COL23A1: variants seen among roughly 807,000 people sequenced by gnomAD.
COL23A1 encodes collagen type XXIII alpha 1 chain.
A neutral mutation model predicts 99.3 loss-of-function variants in COL23A1; 97 were observed. The observed-to-expected ratio is 0.98, with a 90% confidence interval of 0.83 to 1.16. COL23A1 has a LOEUF of 1.16. COL23A1 is among the 50% of genes most tolerant of loss of function. COL23A1 has a pLI of 0.00. For missense variants in COL23A1, 762 were observed against 757.4 expected, an observed-to-expected ratio of 1.01 and a Z score of -0.07; for synonymous variants, 320 against 308.2, an observed-to-expected ratio of 1.04 and a Z score of -0.40.
In COL23A1 at chr5:178,579,615, G is replaced by A. The variant is rs141940750; in HGVS notation, c.294+10289C>T. On this transcript the variant is annotated intron_variant, in intron 1 of 28. Transcript: ENST00000390654. ...ATTACAGACACCCACTACCGCGCACGGCTGATTTTTGTACTTTTAGGAGAG... is the reference window on the plus strand; with the variant it reads ...ATTACAGACACCCACTACCGCGCACAGCTGATTTTTGTACTTTTAGGAGAG... Among the ~76,000 whole-genome samples, 24 of 152,182 alleles carry A rather than the reference G, an allele frequency of 1.6e-4. 1 individual carries two copies. The East Asian group carries it at 3.3e-3, about 21-fold the overall frequency.
At chr5:178,367,505 G>C (rs773340124) in intron 2 of COL23A1, among the ~76,000 whole-genome samples, 9 of 152,148 alleles carry the variant, frequency 5.9e-5, no homozygotes, top group Non-Finnish European at 1.3e-4. Flanking sequence ...GCTTCCCTTG[G>C]TGGCTGCAAC....
At chr5:178,465,424 C>T (rs1756362766) in intron 2 of COL23A1, among the ~76,000 whole-genome samples, 1 of 152,192 alleles carries the variant, frequency 6.6e-6, no homozygotes, top group Non-Finnish European at 1.5e-5. Flanking sequence ...TGTTTTCTCT[C>T]TCAGAAGGTC....
At chr5:178,354,919 A>T (rs116158416) in intron 2 of COL23A1, among the ~76,000 whole-genome samples, 1 of 151,986 alleles carries the variant, frequency 6.6e-6, no homozygotes, top group Non-Finnish European at 1.5e-5. Context: ...TTAGTTGGGC[A>T]TGGTGGTGTG....
chr5:178,508,267 A>T (rs1262624703), intron 2 of COL23A1, among the ~76,000 whole-genome samples: 1 of 152,186 alleles, frequency 6.6e-6, no homozygotes, highest in African/African-American at 2.4e-5. Context: ...TTCCAAACAC[A>T]TCTGTAATTG....
At chr5:178,572,067 C>CAAAAAAAAA (rs1288485909) in intron 1 of COL23A1, among the ~76,000 whole-genome samples, 2 of 54,326 alleles carry the variant, frequency 3.7e-5, no homozygotes, top group African/African-American at 3.0e-4. Context: ...GACTCTTTCT[C>CAAAAAAAAA]AAAACAAAAA....
chr5:178,346,245 G>GT (rs1406571971), intron 2 of COL23A1, among the ~76,000 whole-genome samples: 2 of 151,956 alleles, frequency 1.3e-5, no homozygotes, highest in African/African-American at 2.4e-5. Context: ...TTGTTTGTTT[G>GT]TTTTTTAAGA....
chr5:178,342,939 G>C (rs1760750961), intron 2 of COL23A1, among the ~76,000 whole-genome samples: 1 of 152,232 alleles, frequency 6.6e-6, no homozygotes, highest in Non-Finnish European at 1.5e-5. Flanking sequence ...TGACGAAGGA[G>C]CAAGACTTGG....
At chr5:178,320,901 T>G (rs1759261452) in intron 2 of COL23A1, among the ~76,000 whole-genome samples, 1 of 152,212 alleles carries the variant, frequency 6.6e-6, no homozygotes, top group Non-Finnish European at 1.5e-5. Context: ...AGCTGGATCC[T>G]GCCTCCTGCG....
intron 2 of COL23A1, among the ~76,000 whole-genome samples, chr5:178,311,799 C>T (rs1277708756): frequency 4.7e-5 from 7 of 147,750 alleles, no homozygotes; most frequent in South Asian, 2.1e-4. Context: ...GGCGTGATCT[C>T]GGCTCACCGC....
intron 20 of COL23A1, 119 bp downstream of exon 20, chr5:178,248,073 C>T: frequency 1.3e-6 from 1 of 778,902 alleles, no homozygotes. Flanking sequence ...CCTTACTCTC[C>T]CTCCCCTACT....
chr5:178,464,771 A>T (rs1431010242), intron 2 of COL23A1, among the ~76,000 whole-genome samples: 1 of 152,228 alleles, frequency 6.6e-6, no homozygotes, highest in Non-Finnish European at 1.5e-5. Flanking sequence ...ACTGCCCCAG[A>T]TGTTGGGTGT....
chr5:178,339,797 TGCCA>T (rs1760550996), intron 2 of COL23A1, among the ~76,000 whole-genome samples: 1 of 152,220 alleles, frequency 6.6e-6, no homozygotes, highest in Non-Finnish European at 1.5e-5. Context: ...GGCTTCTGAA[TGCCA>T]GCTCTAGCTG....
At position 178,261,711 on chromosome 5, in the gene COL23A1, G is replaced by A. The variant is rs1299235198; in HGVS notation, c.702+11C>T. ...ATCTGGGGAGGGGCATGGGGAATAA[G>A]GAGTACTCACCTTGGGCCCTGGGGG... On this transcript the variant is annotated intron_variant, in intron 11 of 28. Transcript: ENST00000390654. 2 of 1,605,780 alleles carry A rather than the reference G, an allele frequency of 1.2e-6. No individual in the cohort carries two copies. The highest frequency in any genetic ancestry group is 4.5e-5 in the East Asian group (2 of 44,542).
intron 1 of COL23A1, among the ~76,000 whole-genome samples, chr5:178,586,655 A>G (rs2113762663): frequency 6.6e-6 from 1 of 152,264 alleles, no homozygotes; most frequent in African/African-American, 2.4e-5. Context: ...GAAAGTGAAC[A>G]TGCCAAGAAG....
chr5:178,336,949 C>T (rs1486375131), intron 2 of COL23A1, among the ~76,000 whole-genome samples: 3 of 151,758 alleles, frequency 2.0e-5, no homozygotes, highest in Non-Finnish European at 4.4e-5. Flanking sequence ...TCTGCTATAC[C>T]GAGGCGTGGG....
At chr5:178,380,221 G>A (rs199628198) in intron 2 of COL23A1, among the ~76,000 whole-genome samples, 1 of 152,322 alleles carries the variant, frequency 6.6e-6, no homozygotes, top group East Asian at 1.9e-4. Flanking sequence ...TTGCTGCCTA[G>A]TGTTGGAGCA....
chr5:178,431,884 T>G (rs1371510132), intron 2 of COL23A1, among the ~76,000 whole-genome samples: 1 of 152,238 alleles, frequency 6.6e-6, no homozygotes, highest in East Asian at 1.9e-4. Context: ...ATATCTCACT[T>G]GGAGAAGAGT....
chr5:178,364,077 C>G (rs1439740739), intron 2 of COL23A1, among the ~76,000 whole-genome samples: 2 of 152,200 alleles, frequency 1.3e-5, no homozygotes, highest in Non-Finnish European at 2.9e-5. Flanking sequence ...GCTACCACCT[C>G]GGTCCCGCCC....
At chr5:178,575,761 G>T (rs567416857) in intron 1 of COL23A1, among the ~76,000 whole-genome samples, 1 of 152,250 alleles carries the variant, frequency 6.6e-6, no homozygotes, top group Non-Finnish European at 1.5e-5. Flanking sequence ...AAGGCAAGAA[G>T]AGTGCATGAG....
Sources: allele counts gnomAD v4.1 joint callset (sites outside exome capture counted in the v4.1 genomes callset), GRCh38; gene constraint gnomAD v4.1.1; transcripts MANE v1.5; gene names NCBI Gene and HGNC (gene_info 2026-07-23, HGNC 2026-07-21).